SNX14: variants seen among roughly 807,000 people sequenced by gnomAD.
SNX14 encodes sorting nexin 14, also known as sorting nexin-14.
Under a neutral mutation model 133.8 loss-of-function variants are expected in SNX14, and 93 were observed. The ratio of observed to expected loss-of-function variants is 0.70; its 90% CI spans 0.59 to 0.83. The LOEUF is 0.83. SNX14 is among the 40% of genes least tolerant of loss of function. The pLI is 0.00. For missense variants in SNX14, 945 were observed against 1,094.9 expected, an observed-to-expected ratio of 0.86 and a Z score of 1.93; for synonymous variants, 368 against 365.6, an observed-to-expected ratio of 1.01 and a Z score of -0.07.
At chr6:85,550,968 A>G (rs1191565348) in intron 7 of SNX14, among the ~76,000 whole-genome samples, 4 of 151,928 alleles carry the variant, frequency 2.6e-5, no homozygotes, top group Non-Finnish European at 5.9e-5. Context: ...TTTTGTAGAG[A>G]CAGGGTTTCA....
chr6:85,521,129 C>A (rs537863575), intron 21 of SNX14, among the ~76,000 whole-genome samples: 2 of 152,150 alleles, frequency 1.3e-5, no homozygotes, highest in Admixed American at 6.5e-5. Context: ...TTGGTGAATG[C>A]GGTGTTTCCC....
At chr6:85,525,034 AT>A (rs1367356676) in intron 21 of SNX14, among the ~76,000 whole-genome samples, 1 of 152,182 alleles carries the variant, frequency 6.6e-6, no homozygotes, top group African/African-American at 2.4e-5. Context: ...ACTTGTTGCT[AT>A]TTAGACAAAC....
At chr6:85,513,692 G>A (rs1773755070) in intron 26 of SNX14, 108 bp downstream of exon 26, 2 of 776,422 alleles carry the variant, frequency 2.6e-6, no homozygotes, top group East Asian at 2.7e-5. Context: ...GCAACTATTT[G>A]TAAAATGAAA....
At chr6:85,571,910 A>C (rs937884133) in intron 4 of SNX14, among the ~76,000 whole-genome samples, 3 of 152,186 alleles carry the variant, frequency 2.0e-5, no homozygotes, top group Admixed American at 6.5e-5. Context: ...GTTTCGGGTA[A>C]ACCAGTGCTT....
At chr6:85,531,132 T>C (rs1166963754) in intron 18 of SNX14, among the ~76,000 whole-genome samples, 3 of 152,192 alleles carry the variant, frequency 2.0e-5, no homozygotes, top group Non-Finnish European at 2.9e-5. Flanking sequence ...TTGATTTTAA[T>C]TACCACATGC....
intron 6 of SNX14, among the ~76,000 whole-genome samples, chr6:85,563,814 C>T (rs1582959629): frequency 1.3e-5 from 2 of 152,094 alleles, no homozygotes; most frequent in East Asian, 3.8e-4. Flanking sequence ...GGTACATGTG[C>T]ACAATGTGCA....
intron 1 of SNX14, among the ~76,000 whole-genome samples, chr6:85,586,987 A>C (rs377108213): frequency 6.6e-6 from 1 of 152,148 alleles, no homozygotes; most frequent in African/African-American, 2.4e-5. Context: ...TGGAGATTGC[A>C]ATGAGCCAAG....
At chr6:85,552,622 G>A (rs1489791411) in intron 7 of SNX14, among the ~76,000 whole-genome samples, 1 of 152,140 alleles carries the variant, frequency 6.6e-6, no homozygotes, top group Admixed American at 6.5e-5. Context: ...GTAAGCCAGA[G>A]TCACAAGATG....
chr6:85,515,021 T>G (rs114005906), intron 23 of SNX14, among the ~76,000 whole-genome samples: 1 of 152,030 alleles, frequency 6.6e-6, no homozygotes, highest in Non-Finnish European at 1.5e-5. Context: ...TCTCAGCACT[T>G]TGGAAGACGG....
chr6:85,579,691 T>C (rs1412036662), intron 1 of SNX14, among the ~76,000 whole-genome samples: 1 of 152,170 alleles, frequency 6.6e-6, no homozygotes, highest in Admixed American at 6.5e-5. Flanking sequence ...AAGAGGTCAT[T>C]TACACATGTC....
intron 20 of SNX14, 114 bp from the exon 21 acceptor site, chr6:85,526,351 TA>T: frequency 1.5e-6 from 1 of 688,634 alleles, no homozygotes; most frequent in Non-Finnish European, 2.5e-6. Context: ...ATATTTAAAA[TA>T]ATAACAAAGC....
chr6:85,560,169 C>CA (rs900968723), intron 6 of SNX14, among the ~76,000 whole-genome samples: 7 of 149,966 alleles, frequency 4.7e-5, no homozygotes, highest in East Asian at 3.9e-4. Flanking sequence ...ATATATCCGA[C>CA]AAAAAAAAAC....
chr6:85,551,223 T>C (rs909337848), intron 7 of SNX14, among the ~76,000 whole-genome samples: 21 of 152,196 alleles, frequency 1.4e-4, no homozygotes, highest in African/African-American at 4.3e-4. Context: ...CAGGCCACCA[T>C]AGCTCGTGAG....
At chr6:85,515,798 T>C (rs1279154396) in intron 23 of SNX14, among the ~76,000 whole-genome samples, 1 of 152,104 alleles carries the variant, frequency 6.6e-6, no homozygotes, top group East Asian at 1.9e-4. Context: ...AGTGATATTA[T>C]ATAGTAAGTC....
rs775494514 is a variant in SNX14 at position 85,572,304 on chromosome 6, C to A, written c.332G>T (p.Arg111Leu). The A allele has an allele frequency of 1.2e-6, 2 of 1,613,174 alleles. No individual in the cohort carries two copies. Among genetic ancestry groups the A allele is most frequent in the African/African-American group, 1.3e-5 (1 of 74,982 alleles). ...CAVCGKVKCK[R>L]HRPSLLLENY... is the part of the protein sequence containing the mutation. ...AAAAAAATATTTAACTTACCTATGTCGTTTACATTTCACTTTACCACAAAC... is the reference window on the plus strand; with the variant it reads ...AAAAAAATATTTAACTTACCTATGTAGTTTACATTTCACTTTACCACAAAC... The change falls in exon 3 of 29, where the codon CGA becomes CTA. Residue 111 changes from arginine to leucine, a missense_variant. Coordinates refer to ENST00000314673, the MANE Select transcript of SNX14 (RefSeq NM_153816.6).
intron 2 of SNX14, among the ~76,000 whole-genome samples, chr6:85,573,810 T>G (rs997029189): frequency 6.6e-6 from 1 of 152,194 alleles, no homozygotes; most frequent in Non-Finnish European, 1.5e-5. Context: ...GAATCTGTAT[T>G]TTTTAATTCC....
At chr6:85,540,470 C>T (rs1187342662) in intron 15 of SNX14, among the ~76,000 whole-genome samples, 3 of 152,088 alleles carry the variant, frequency 2.0e-5, no homozygotes, top group South Asian at 2.1e-4. Flanking sequence ...AGGCATGTGG[C>T]CTGGGCAAAG....
chr6:85,512,393 G>A (rs375929245), intron 26 of SNX14, among the ~76,000 whole-genome samples: 16 of 152,134 alleles, frequency 1.1e-4, no homozygotes, highest in Admixed American at 7.2e-4. Context: ...AGGCCGAGGC[G>A]GGTGGATCAC....
chr6:85,588,925 T>G, intron 1 of SNX14: 1 of 455,180 alleles, frequency 2.2e-6, no homozygotes, highest in Non-Finnish European at 4.4e-6. Flanking sequence ...CTGGGTAGGC[T>G]GAAGAGGAGG....
Sources: allele counts gnomAD v4.1 joint callset (sites outside exome capture counted in the v4.1 genomes callset), GRCh38; gene constraint gnomAD v4.1.1; transcripts MANE v1.5; gene names NCBI Gene and HGNC (gene_info 2026-07-23, HGNC 2026-07-21).